The following TFDP2 variants were observed in gnomAD, a reference collection of about 807,000 sequenced individuals.
The protein encoded by TFDP2 is transcription factor Dp-2, also known as transcription factor Dp-2 (E2F dimerization partner 2).
A neutral mutation model predicts 59.3 loss-of-function variants in TFDP2; 17 were observed. The observed-to-expected ratio is 0.29, with a 90% CI of 0.20 to 0.43. The LOEUF is 0.43. TFDP2 is among the 20% of genes least tolerant of loss of function. The pLI is 1.00. For synonymous variants in TFDP2, 180 were observed against 194.7 expected (o/e 0.92, Z 0.63); for missense variants, 391 against 528.8 (o/e 0.74, Z 2.56).
intron 1 of TFDP2, among the ~76,000 whole-genome samples, chr3:142,131,963 T>A (rs7616096): frequency 1.4e-5 from 2 of 142,534 alleles, no homozygotes; most frequent in African/African-American, 2.9e-5. Context: ...CCAAAATCGC[T>A]TCATTGCACT....
intron 4 of TFDP2, among the ~76,000 whole-genome samples, chr3:142,001,199 C>T (rs1045385067): frequency 3.9e-5 from 6 of 152,192 alleles, no homozygotes; most frequent in African/African-American, 1.2e-4. Context: ...AGTTATCATA[C>T]CCCGCAGCTT....
At chr3:141,982,732 C>T (rs1198070798) in intron 6 of TFDP2, among the ~76,000 whole-genome samples, 1 of 152,160 alleles carries the variant, frequency 6.6e-6, no homozygotes, top group Non-Finnish European at 1.5e-5. Flanking sequence ...GTAGGAACAA[C>T]TACAATTTTA....
intron 4 of TFDP2, among the ~76,000 whole-genome samples, chr3:141,997,521 C>CG (rs1337212656): frequency 6.6e-6 from 1 of 151,838 alleles, no homozygotes; most frequent in Non-Finnish European, 1.5e-5. Context: ...TAGCAGCCTA[C>CG]ATGCTTGGTT....
In TFDP2 at chr3:142,129,589, C is replaced by G. The variant is rs534491981; in HGVS notation, c.-93+19594G>C. On this transcript the variant is annotated intron_variant, in intron 1 of 12. Transcript: ENST00000489671. Reference sequence around the variant, plus strand: ...TTTCATATCTAGAATATATAAAGAACCCCTATAATGCAACAATTTTTAAAA... The same window carrying G: ...TTTCATATCTAGAATATATAAAGAAGCCCTATAATGCAACAATTTTTAAAA... Among the ~76,000 whole-genome samples, 61 of 152,010 alleles carry G rather than the reference C, an allele frequency of 4.0e-4. 1 individual carries two copies. The highest frequency in any genetic ancestry group is 7.2e-4 in the Non-Finnish European group (49 of 67,980).
At chr3:142,141,123 GACT>G (rs1210489643) in intron 1 of TFDP2, among the ~76,000 whole-genome samples, 1 of 152,190 alleles carries the variant, frequency 6.6e-6, no homozygotes, top group Non-Finnish European at 1.5e-5. Flanking sequence ...GTCCATCTCA[GACT>G]ACTTCGCTAG....
At chr3:142,090,562 CTTT>C (rs944915464) in intron 3 of TFDP2, among the ~76,000 whole-genome samples, 5 of 139,232 alleles carry the variant, frequency 3.6e-5, no homozygotes, top group Admixed American at 7.2e-5. Flanking sequence ...TCTTTCTTTC[CTTT>C]TTTTTTTTTT....
rs2062850852 is a variant in TFDP2, at chr3:142,139,311, CTT to C, written c.-93+9870_-93+9871del. On this transcript the variant is annotated intron_variant, in intron 1 of 12. Transcript: ENST00000489671. ...TATAGCACACTGATGGGTCTTGACTCTTTATCCAATTTGCCAGTCTGTGTCTT... is the reference window on the plus strand; with the variant it reads ...TATAGCACACTGATGGGTCTTGACTCTATCCAATTTGCCAGTCTGTGTCTT... Among the ~76,000 whole-genome samples the C allele has an allele frequency of 2.0e-5, 3 of 152,242 alleles. No individual in the cohort carries two copies. In the South Asian group the frequency reaches 6.2e-4, roughly 32 times the overall value.
In TFDP2 at chr3:142,072,837, A is replaced by G. The variant is rs548154342; in HGVS notation, c.82+20224T>C. ...AATAGAGGAGAAGGGACAAATCTAG[A>G]GCACCAAAGAGTTCTAATTGGTGTA... On this transcript the variant is annotated intron_variant, in intron 3 of 12. Coordinates refer to ENST00000489671, the MANE Select transcript of TFDP2 (RefSeq NM_001178139.2). Among the ~76,000 whole-genome samples the G allele has an allele frequency of 2.6e-5, 4 of 152,334 alleles. No individual in the cohort carries two copies. In the East Asian group the frequency reaches 7.7e-4, roughly 29 times the overall value.
chr3:141,982,714 G>A (rs1244881784), intron 6 of TFDP2, among the ~76,000 whole-genome samples: 2 of 152,116 alleles, frequency 1.3e-5, no homozygotes, highest in Non-Finnish European at 2.9e-5. Context: ...ACTAAACATA[G>A]TCCTTAAGTA....
intron 3 of TFDP2, among the ~76,000 whole-genome samples, chr3:142,083,389 T>C (rs1437827033): frequency 6.6e-6 from 1 of 152,192 alleles, no homozygotes; most frequent in Non-Finnish European, 1.5e-5. Context: ...TCCATATTCA[T>C]AGACTAGAAG....
intron 7 of TFDP2, among the ~76,000 whole-genome samples, chr3:141,978,062 A>G (rs971976522): frequency 4.6e-5 from 7 of 151,004 alleles, no homozygotes; most frequent in Admixed American, 1.3e-4. Context: ...AAAACAACTA[A>G]GGCTGGGTAC....
intron 3 of TFDP2, among the ~76,000 whole-genome samples, chr3:142,012,714 G>A (rs998118133): frequency 6.6e-6 from 1 of 152,082 alleles, no homozygotes. Context: ...TTCATAAAAA[G>A]TCTGCCAAGA....
intron 1 of TFDP2, among the ~76,000 whole-genome samples, chr3:142,117,062 C>T (rs2061874360): frequency 6.6e-6 from 1 of 152,090 alleles, no homozygotes. Flanking sequence ...GCTGGGATTA[C>T]AGGTGTGCAC....
chr3:142,002,233 G>C (rs925935871), intron 4 of TFDP2, among the ~76,000 whole-genome samples: 14 of 151,582 alleles, frequency 9.2e-5, no homozygotes, highest in African/African-American at 3.4e-4. Context: ...GACCTCAAGT[G>C]ATCTGCCAGC....
intron 3 of TFDP2, among the ~76,000 whole-genome samples, chr3:142,014,202 G>A (rs1944944781): frequency 6.6e-6 from 1 of 152,136 alleles, no homozygotes; most frequent in Non-Finnish European, 1.5e-5. Flanking sequence ...GGAGAGCAGT[G>A]GCACTATCAC....
chr3:142,149,032 C>G (rs185348329), intron 1 of TFDP2, among the ~76,000 whole-genome samples, 151 bp downstream of exon 1: 1 of 152,328 alleles, frequency 6.6e-6, no homozygotes, highest in Non-Finnish European at 1.5e-5. Flanking sequence ...GGTTACCCGG[C>G]CAGGCCTGGA....
At chr3:142,103,450 C>A (rs1461138888) in intron 1 of TFDP2, among the ~76,000 whole-genome samples, 4 of 151,930 alleles carry the variant, frequency 2.6e-5, no homozygotes, top group Non-Finnish European at 5.9e-5. Flanking sequence ...TTGGAGTTTT[C>A]TTTTCCTCAC....
At chr3:142,107,046 A>G (rs1024883788) in intron 1 of TFDP2, among the ~76,000 whole-genome samples, 2 of 152,204 alleles carry the variant, frequency 1.3e-5, no homozygotes, top group African/African-American at 2.4e-5. Context: ...CTAATTTTAA[A>G]TACATGCTCA....
chr3:141,959,241 C>T (rs959192678), intron 11 of TFDP2, among the ~76,000 whole-genome samples: 6 of 152,148 alleles, frequency 3.9e-5, no homozygotes, highest in Admixed American at 3.3e-4. Flanking sequence ...CAGGTGTGAG[C>T]TGCAGCGCCC....
Sources: gnomAD v4.1 joint callset for allele counts (sites outside exome capture counted in the v4.1 genomes callset) on GRCh38, gnomAD v4.1.1 for gene constraint, MANE v1.5 for transcripts, NCBI Gene and HGNC (gene_info 2026-07-23, HGNC 2026-07-21) for gene names.